The following BTBD8 variants were observed in gnomAD, a reference collection of about 807,000 sequenced individuals.
BTBD8 encodes BTB domain containing 8.
A neutral mutation model predicts 162.9 loss-of-function variants in BTBD8; 110 were observed. The observed-to-expected ratio is 0.68, with a 90% confidence interval of 0.58 to 0.79. BTBD8 has a LOEUF of 0.79. BTBD8 is among the 30% of genes least tolerant of loss of function. BTBD8 has a pLI of 0.00. For synonymous variants in BTBD8, 667 were observed against 716.1 expected (o/e 0.93, Z 1.10); for missense variants, 1,905 against 2,085.4 (o/e 0.91, Z 1.68).
At chr1:92,086,885 G>C (rs891999175) in intron 1 of BTBD8, among the ~76,000 whole-genome samples, 17 of 152,128 alleles carry the variant, frequency 1.1e-4, no homozygotes, top group Non-Finnish European at 1.9e-4. Flanking sequence ...ATAAATGTCT[G>C]TTCATTATAA....
chr1:92,162,100 A>T (rs1324018276), intron 9 of BTBD8, among the ~76,000 whole-genome samples: 1 of 152,086 alleles, frequency 6.6e-6, no homozygotes, highest in East Asian at 1.9e-4. Context: ...TTGATTGTAT[A>T]TTGGCAGCGT....
At chr1:92,163,212 G>A (rs1205108785) in intron 9 of BTBD8, among the ~76,000 whole-genome samples, 3 of 151,548 alleles carry the variant, frequency 2.0e-5, no homozygotes, top group Admixed American at 6.6e-5. Context: ...AAAATTATCC[G>A]GGTGTGGTGG....
intron 9 of BTBD8, among the ~76,000 whole-genome samples, chr1:92,165,112 C>T (rs1466405737): frequency 1.4e-5 from 2 of 141,266 alleles, no homozygotes; most frequent in Non-Finnish European, 3.0e-5. Context: ...CAGAGCAAGA[C>T]TTGTGTCAAA....
At chr1:92,169,816 A>G (rs1429593588) in intron 12 of BTBD8, among the ~76,000 whole-genome samples, 3 of 152,202 alleles carry the variant, frequency 2.0e-5, no homozygotes, top group Non-Finnish European at 4.4e-5. Flanking sequence ...TGGTATCATC[A>G]GAATAGGATC....
intron 1 of BTBD8, among the ~76,000 whole-genome samples, chr1:92,087,616 G>A (rs1249768804): frequency 6.6e-6 from 1 of 152,062 alleles, no homozygotes; most frequent in African/African-American, 2.4e-5. Context: ...TGTCTAGTGG[G>A]GAGAAAGACA....
rs1650424076 is a variant in BTBD8 at position 92,167,864 on chromosome 1, G to A, written c.1322G>A (p.Ser441Asn). 5.8e-6 allele frequency: 9 copies of A among 1,549,806 alleles called. No individual in the cohort carries two copies. Among genetic ancestry groups the A allele is most frequent in the Non-Finnish European group, 7.9e-6 (9 of 1,145,732 alleles). The part of the protein sequence containing the change: ...ALLLQSQAMS[S>N]TADLLDTILK... ...GTTTTATAGTCACAAGCAATGAGCA[G>A]CACAGCCGATCTGTTGGACACAATT... Residue 441 changes from serine to asparagine, a missense_variant, in exon 11 of 18, where the codon AGC becomes AAC. Coordinates refer to ENST00000636805, the MANE Select transcript of BTBD8 (RefSeq NM_001376131.1).
intron 2 of BTBD8, among the ~76,000 whole-genome samples, chr1:92,094,113 AG>A (rs1648388546): frequency 6.6e-6 from 1 of 152,156 alleles, no homozygotes; most frequent in African/African-American, 2.4e-5. Flanking sequence ...CTCATTTCAA[AG>A]AAAGTAGTTG....
intron 13 of BTBD8, among the ~76,000 whole-genome samples, chr1:92,172,798 G>C (rs1336637512): frequency 6.6e-6 from 1 of 152,228 alleles, no homozygotes; most frequent in Non-Finnish European, 1.5e-5. Flanking sequence ...CAAATGTCTT[G>C]AGTGAGAAAC....
intron 4 of BTBD8, among the ~76,000 whole-genome samples, chr1:92,116,021 T>C (rs944504842): frequency 1.2e-4 from 18 of 152,108 alleles, no homozygotes; most frequent in African/African-American, 4.1e-4. Flanking sequence ...TGCTTAGCTG[T>C]AGCCTACAAA....
In BTBD8 at chr1:92,106,660, C is replaced by CAAAAAAAAAA. The variant is rs60676530; in HGVS notation, c.545-1204_545-1195dup. Among the ~76,000 whole-genome samples the CAAAAAAAAAA allele has an allele frequency of 4.0e-4, 4 of 9,952 alleles. 1 individual carries two copies. Among genetic ancestry groups the CAAAAAAAAAA allele is most frequent in the African/African-American group, 1.6e-3 (4 of 2,524 alleles). 6.5% of individuals were successfully genotyped at this position (9,952 alleles called of 152,430 possible). On this transcript the variant is annotated intron_variant, in intron 3 of 17. Transcript: ENST00000636805. ...TGGGCGACAGAGTAAGACTCTGTCT[C>CAAAAAAAAAA]AAAAAAAAAAAAAAAAAAAAAAAAA...
chr1:92,149,912 T>C (rs1419791258), intron 9 of BTBD8, among the ~76,000 whole-genome samples: 3 of 152,188 alleles, frequency 2.0e-5, no homozygotes, highest in Non-Finnish European at 4.4e-5. Flanking sequence ...GCTGATTCTC[T>C]TGGTGTCAGT....
rs1047398312 is a variant in BTBD8 at position 92,137,950 on chromosome 1, C to G, written c.753-1400C>G. On this transcript the variant is annotated intron_variant, in intron 5 of 17. Transcript: ENST00000636805. ...TGTGATCTTCCATATGTCTGAAGAG[C>G]AATGAGAGGTTGGGGGTTTTACTTG... is the stretch of plus-strand genomic sequence containing the variant. Among the ~76,000 whole-genome samples, 4 of 152,104 alleles carry G rather than the reference C, an allele frequency of 2.6e-5. 1 individual carries two copies. In the South Asian group the frequency reaches 8.3e-4, roughly 32 times the overall value.
chr1:92,083,227 C>T (rs1648072750), intron 1 of BTBD8, among the ~76,000 whole-genome samples: 1 of 151,928 alleles, frequency 6.6e-6, no homozygotes, highest in Admixed American at 6.6e-5. Context: ...GGTCACATAA[C>T]CAGAATATGA....
intron 16 of BTBD8, 140 bp downstream of exon 16, chr1:92,178,591 TG>T (rs1650791374): frequency 1.4e-6 from 1 of 695,100 alleles, no homozygotes; most frequent in African/African-American, 1.8e-5. Context: ...ACCATAGAGA[TG>T]AGATTGTAAA....
intron 7 of BTBD8, among the ~76,000 whole-genome samples, chr1:92,146,806 T>C (rs1243293914): frequency 6.6e-6 from 1 of 152,204 alleles, no homozygotes; most frequent in East Asian, 1.9e-4. Context: ...TTTTTAGAGC[T>C]GAATATTTCA....
At position 92,080,347 on chromosome 1, in the gene BTBD8, T is replaced by C. The variant is rs1242451190; in HGVS notation, c.-225T>C. 2 of 599,200 alleles carry C rather than the reference T, an allele frequency of 3.3e-6. No individual in the cohort carries two copies. Among genetic ancestry groups the C allele is most frequent in the Non-Finnish European group, 5.5e-6 (2 of 361,942 alleles). The allele number at this position is 599,200 out of a possible 1,614,324, so 37.1% of individuals were successfully genotyped here. Reference sequence around the variant, plus strand: ...GAGCGAGTACGCCTGCGCACGCTCTTCCTGGGTCAAGAGCCGGCTCGGTTC... The same window carrying C: ...GAGCGAGTACGCCTGCGCACGCTCTCCCTGGGTCAAGAGCCGGCTCGGTTC... On this transcript the variant is annotated 5_prime_UTR_variant, in exon 1 of 18. Coordinates refer to ENST00000636805, the MANE Select transcript of BTBD8 (RefSeq NM_001376131.1).
At chr1:92,115,918 T>C (rs1649032038) in intron 4 of BTBD8, 1 of 152,288 alleles carries the variant, frequency 6.6e-6, no homozygotes, top group Admixed American at 6.5e-5. Context: ...TGCTGCCATT[T>C]ATACTTTCTT....
chr1:92,158,814 C>T (rs1650220025), intron 9 of BTBD8, among the ~76,000 whole-genome samples: 1 of 152,132 alleles, frequency 6.6e-6, no homozygotes, highest in African/African-American at 2.4e-5. Context: ...CTCACTCTGT[C>T]ACCCAAGCTG....
Position 92,176,954 on chromosome 1 carries a change from T to C in BTBD8, c.1761T>C (p.Ser587=). Residue 587 remains serine (S), a synonymous_variant, in exon 14 of 18, where the codon TCT becomes TCC. Coordinates refer to ENST00000636805, the MANE Select transcript of BTBD8 (RefSeq NM_001376131.1). ...KKMKSDGLGA[S]GHSSSTNRNS... The stretch of plus-strand genomic sequence containing the variant: ...TGAAATCTGATGGATTAGGAGCATC[T>C]GGACATTCGTCAAGTACCAATAGAA... 1 of 1,546,698 alleles carries C rather than the reference T, an allele frequency of 6.5e-7. No homozygotes were observed. The highest frequency in any genetic ancestry group is 8.7e-7 in the Non-Finnish European group (1 of 1,144,214).
Sources: allele counts gnomAD v4.1 joint callset (sites outside exome capture counted in the v4.1 genomes callset), GRCh38; gene constraint gnomAD v4.1.1; transcripts MANE v1.5; gene names NCBI Gene and HGNC (gene_info 2026-07-23, HGNC 2026-07-21).